Variants in TDRD1 observed in about 807,000 individuals in gnomAD.
TDRD1 encodes the protein tudor domain containing 1.
In TDRD1, 37 loss-of-function variants were observed where a neutral mutation model predicts 140.6. That is an observed-to-expected ratio of 0.26 (90% confidence interval 0.20 to 0.35). TDRD1 has a LOEUF of 0.35. Among genes scored for constraint, TDRD1 ranks in the 10% least tolerant of loss-of-function variants. The pLI, the probability that TDRD1 is intolerant of heterozygous loss-of-function variation, is 1.00. For synonymous variants in TDRD1, 506 were observed against 475.7 expected, an observed-to-expected ratio of 1.06 and a Z score of -0.83; for missense variants, 1,243 against 1,393.0, an observed-to-expected ratio of 0.89 and a Z score of 1.71.
At chr10:114,194,923 C>CTTT (rs34458557) in intron 3 of TDRD1, among the ~76,000 whole-genome samples, 8 of 132,460 alleles carry the variant, frequency 6.0e-5, no homozygotes, top group Admixed American at 1.5e-4. Context: ...CCACACCTGG[C>CTTT]TTTTTTTTTT....
At chr10:114,193,554 A>G (rs868682969) in intron 3 of TDRD1, among the ~76,000 whole-genome samples, 4 of 152,112 alleles carry the variant, frequency 2.6e-5, no homozygotes, top group Non-Finnish European at 4.4e-5. Flanking sequence ...TTGGCCTCCC[A>G]AGGTGCTTGG....
chr10:114,231,970 GTTTTA>G (rs1204348356), exon 26 of TDRD1: 1 of 152,408 alleles, frequency 6.6e-6, no homozygotes, highest in African/African-American at 2.4e-5. Context: ...GTTGATATGA[GTTTTA>G]TTTTCTGTCC....
At chr10:114,196,364 CT>C (rs1157846518) in intron 3 of TDRD1, among the ~76,000 whole-genome samples, 1 of 152,188 alleles carries the variant, frequency 6.6e-6, no homozygotes, top group Non-Finnish European at 1.5e-5. Flanking sequence ...TCTTCATTTT[CT>C]TTCATCTGAA....
In TDRD1 at chr10:114,192,292, C is replaced by CTTTTTTTTTTT. The variant is rs938140798; in HGVS notation, c.384+1292_384+1302dup. Among the ~76,000 whole-genome samples the CTTTTTTTTTTT allele has an allele frequency of 2.3e-3, 174 of 75,110 alleles. 23 individuals carry two copies. Among genetic ancestry groups the CTTTTTTTTTTT allele is most frequent in the Middle Eastern group, 8.3e-3 (1 of 120 alleles). The allele number at this position is 75,110 out of a possible 152,430, so 49.3% of individuals were successfully genotyped here. A position where few individuals can be genotyped will look rare whatever the true frequency, so the allele number is the denominator to read the frequency against. ...TCCCCAAAAAAGTTTGATAGTTTTC[C>CTTTTTTTTTTT]TTTTTTTTTTTTTTTTTTTTTTTTT... On this transcript the variant is annotated intron_variant, in intron 3 of 25. Coordinates refer to ENST00000251864, the Ensembl canonical transcript of TDRD1.
At chr10:114,226,757 G>A (rs987432222) in intron 22 of TDRD1, among the ~76,000 whole-genome samples, 1 of 152,120 alleles carries the variant, frequency 6.6e-6, no homozygotes, top group Admixed American at 6.5e-5. Context: ...ATACCATACC[G>A]ATTGCTTCAT....
At chr10:114,224,004 G>A (rs149762139) in intron 21 of TDRD1, among the ~76,000 whole-genome samples, 21 of 152,278 alleles carry the variant, frequency 1.4e-4, no homozygotes, top group Admixed American at 2.6e-4. Flanking sequence ...CCCACACTGT[G>A]TTAGCTAGAT....
chr10:114,187,881 C>T, exon 2 of TDRD1: 2 of 1,605,034 alleles, frequency 1.2e-6, no homozygotes, highest in South Asian at 1.1e-5. Context: ...AATTTGGAAG[C>T]ACCTCCTTGT....
At chr10:114,207,775 A>G (rs866338971) in intron 11 of TDRD1, among the ~76,000 whole-genome samples, 2 of 151,950 alleles carry the variant, frequency 1.3e-5, no homozygotes, top group Admixed American at 6.6e-5. Flanking sequence ...CAGGAGGGGG[A>G]GTCATCAGTA....
At chr10:114,196,666 C>G (rs531247521) in intron 3 of TDRD1, among the ~76,000 whole-genome samples, 6 of 151,908 alleles carry the variant, frequency 3.9e-5, no homozygotes, top group East Asian at 3.9e-4. Flanking sequence ...AAAAATTTCC[C>G]CCCCCATACA....
intron 21 of TDRD1, among the ~76,000 whole-genome samples, chr10:114,225,287 A>G (rs1001363462): frequency 3.9e-5 from 6 of 152,216 alleles, no homozygotes; most frequent in African/African-American, 7.2e-5. Flanking sequence ...ACCAAAGCCT[A>G]TTCAGATGTC....
At chr10:114,188,261 C>T in intron 2 of TDRD1, 105 bp downstream of exon 2, 1 of 938,266 alleles carries the variant, frequency 1.1e-6, no homozygotes, top group Non-Finnish European at 1.6e-6. Context: ...AGAACAGGCA[C>T]ATGACTACCT....
At chr10:114,231,338 CATTA>C (rs894203135) in intron 25 of TDRD1, 4 of 674,216 alleles carry the variant, frequency 5.9e-6, no homozygotes, top group African/African-American at 5.6e-5. Flanking sequence ...TTATGGTGGT[CATTA>C]ATTTTCTTAA....
intron 5 of TDRD1, 43 bp from the exon 6 acceptor site, chr10:114,202,195 T>A (rs1275812505): frequency 6.7e-7 from 1 of 1,491,066 alleles, no homozygotes; most frequent in Non-Finnish European, 9.2e-7. Flanking sequence ...CTATGTTAAT[T>A]GCCTCTGTAG....
intron 6 of TDRD1, among the ~76,000 whole-genome samples, chr10:114,202,615 T>C (rs996530231): frequency 8.5e-5 from 13 of 152,198 alleles, no homozygotes; most frequent in Non-Finnish European, 1.6e-4. Context: ...TTTCTGATAG[T>C]AGTTCCCCAT....
At chr10:114,204,749 A>G in exon 10 of TDRD1, 1 of 1,596,570 alleles carries the variant, frequency 6.3e-7, no homozygotes, top group Non-Finnish European at 8.5e-7. Flanking sequence ...AGCCAATGTT[A>G]TCCCAGCAGA....
intron 21 of TDRD1, among the ~76,000 whole-genome samples, chr10:114,225,278 C>T (rs1418098256): frequency 6.6e-6 from 1 of 152,192 alleles, no homozygotes; most frequent in East Asian, 1.9e-4. Flanking sequence ...AGTGTATGAA[C>T]CAAAGCCTAT....
chr10:114,210,755 C>T lies in TDRD1; in HGVS notation c.1552+7C>T, dbSNP rs1376371056. 1.9e-6 allele frequency: 3 copies of T among 1,608,672 alleles called. No individual in the cohort carries two copies. Among genetic ancestry groups the T allele is most frequent in the Admixed American group, 3.3e-5 (2 of 59,818 alleles). ...CAACAACTGCAAAGTGGCCGTAAGTCAGCTTTCTTGATTTGCTCTATGAAG... is the reference window on the plus strand; with the variant it reads ...CAACAACTGCAAAGTGGCCGTAAGTTAGCTTTCTTGATTTGCTCTATGAAG... On this transcript the variant is annotated splice_region_variant and intron_variant, in intron 12 of 25. Coordinates refer to ENST00000251864, the Ensembl canonical transcript of TDRD1.
At chr10:114,192,277 A>T (rs1290854612) in intron 3 of TDRD1, among the ~76,000 whole-genome samples, 1 of 137,504 alleles carries the variant, frequency 7.3e-6, no homozygotes, top group Non-Finnish European at 1.6e-5. Context: ...TCCCCAAAAA[A>T]GTTTGATAGT....
At chr10:114,204,108 G>A (rs1398292538) in exon 9 of TDRD1, 1 of 1,606,616 alleles carries the variant, frequency 6.2e-7, no homozygotes, top group Non-Finnish European at 8.5e-7. Flanking sequence ...ACGTTGATGT[G>A]CAGCAAAAGA....
Sources: gnomAD v4.1 joint callset for allele counts (sites outside exome capture counted in the v4.1 genomes callset) on GRCh38, gnomAD v4.1.1 for gene constraint, MANE v1.5 for transcripts, NCBI Gene and HGNC (gene_info 2026-07-23, HGNC 2026-07-21) for gene names.